The following NOS1AP variants were observed in gnomAD, a reference collection of about 807,000 sequenced individuals.
The protein encoded by NOS1AP is nitric oxide synthase 1 adaptor protein.
A neutral mutation model predicts 56.2 loss-of-function variants in NOS1AP; 21 were observed. That is an observed-to-expected ratio of 0.37 (90% CI 0.26 to 0.54). The LOEUF (loss-of-function observed/expected upper bound fraction) is 0.54, where lower values mean the gene tolerates loss of function less well. NOS1AP is among the 20% of genes least tolerant of loss of function. The pLI is 0.84. For missense variants in NOS1AP, 522 were observed against 657.8 expected, an observed-to-expected ratio of 0.79 and a Z score of 2.26; for synonymous variants, 270 against 274.6, an observed-to-expected ratio of 0.98 and a Z score of 0.17.
At chr1:162,083,771 A>G (rs1004539942) in intron 1 of NOS1AP, among the ~76,000 whole-genome samples, 2 of 152,334 alleles carry the variant, frequency 1.3e-5, no homozygotes, top group East Asian at 3.9e-4. Flanking sequence ...CTTTGGAGTA[A>G]TCAGAATCAC....
chr1:162,346,904 C>G (rs906868742), intron 6 of NOS1AP, among the ~76,000 whole-genome samples: 12 of 152,202 alleles, frequency 7.9e-5, no homozygotes, highest in South Asian at 2.1e-4. Context: ...GGTCATGTAC[C>G]CTTGGCCAGT....
At chr1:162,138,613 C>T (rs1009382149) in intron 1 of NOS1AP, among the ~76,000 whole-genome samples, 9 of 152,170 alleles carry the variant, frequency 5.9e-5, no homozygotes, top group African/African-American at 1.9e-4. Flanking sequence ...GGCCTGGGCT[C>T]CTGTCTGCCT....
intron 1 of NOS1AP, among the ~76,000 whole-genome samples, chr1:162,109,901 T>G (rs1647650378): frequency 6.6e-6 from 1 of 152,138 alleles, no homozygotes; most frequent in South Asian, 2.1e-4. Context: ...TAATCTAGAT[T>G]ATGATTCTCT....
At chr1:162,106,088 C>G (rs1647496827) in intron 1 of NOS1AP, among the ~76,000 whole-genome samples, 1 of 152,204 alleles carries the variant, frequency 6.6e-6, no homozygotes, top group Non-Finnish European at 1.5e-5. Flanking sequence ...ACACAGCTCT[C>G]TGTATTGGAC....
chr1:162,241,962 A>G (rs1653501326), intron 2 of NOS1AP, among the ~76,000 whole-genome samples: 1 of 152,218 alleles, frequency 6.6e-6, no homozygotes, highest in Non-Finnish European at 1.5e-5. Context: ...GTTGAATGTC[A>G]TATCTCCACT....
chr1:162,178,149 G>T (rs921916295), intron 2 of NOS1AP, among the ~76,000 whole-genome samples: 5 of 152,266 alleles, frequency 3.3e-5, no homozygotes, highest in South Asian at 2.1e-4. Context: ...ATGCATTTAA[G>T]ATTCCTCTAG....
chr1:162,198,110 T>G (rs756084140), intron 2 of NOS1AP, among the ~76,000 whole-genome samples: 1 of 152,096 alleles, frequency 6.6e-6, no homozygotes, highest in Non-Finnish European at 1.5e-5. Flanking sequence ...AGGAGCATGA[T>G]GAGGGAGGGA....
chr1:162,153,276 G>A (rs1649794128), intron 1 of NOS1AP, among the ~76,000 whole-genome samples: 2 of 152,112 alleles, frequency 1.3e-5, no homozygotes, highest in South Asian at 4.1e-4. Context: ...TTACAGGCAT[G>A]TGCCACCACA....
intron 2 of NOS1AP, among the ~76,000 whole-genome samples, chr1:162,175,624 G>A (rs1035385982): frequency 1.3e-5 from 2 of 152,176 alleles, no homozygotes; most frequent in Non-Finnish European, 2.9e-5. Flanking sequence ...GTGTGGGGGT[G>A]GGGGCGGTCG....
At chr1:162,146,597 C>A (rs927929216) in intron 1 of NOS1AP, among the ~76,000 whole-genome samples, 1 of 152,186 alleles carries the variant, frequency 6.6e-6, no homozygotes, top group African/African-American at 2.4e-5. Context: ...AGACGAGATG[C>A]CCCACACCCA....
At chr1:162,229,132 A>G (rs901683029) in intron 2 of NOS1AP, among the ~76,000 whole-genome samples, 2 of 152,226 alleles carry the variant, frequency 1.3e-5, no homozygotes, top group African/African-American at 4.8e-5. Context: ...TAACAGGTGA[A>G]ATAGAGCTGA....
intron 2 of NOS1AP, among the ~76,000 whole-genome samples, chr1:162,231,107 T>C (rs757085329): frequency 6.6e-5 from 10 of 152,234 alleles, no homozygotes; most frequent in Non-Finnish European, 1.5e-4. Context: ...CCACCAACAG[T>C]GTACATGGGT....
chr1:162,300,491 C>T lies in NOS1AP; in HGVS notation c.271-142C>T. 4.0e-6 allele frequency: 3 copies of T among 749,736 alleles called. No homozygotes were observed. The South Asian group carries it at 4.2e-5, about 11-fold the overall frequency. The allele number at this position is 749,736 out of a possible 1,614,324, so 46.4% of individuals were successfully genotyped here. On this transcript the variant is annotated intron_variant, in intron 3 of 9. Coordinates refer to ENST00000361897, the MANE Select transcript of NOS1AP (RefSeq NM_014697.3). Reference sequence around the variant, plus strand: ...TAGACACTTGATATTTTGCACTCGTCGTTTTGGAGCAATCAACTCCAGGCC... The same window carrying T: ...TAGACACTTGATATTTTGCACTCGTTGTTTTGGAGCAATCAACTCCAGGCC...
chr1:162,219,020 A>C (rs1018714986), intron 2 of NOS1AP, among the ~76,000 whole-genome samples: 1 of 152,022 alleles, frequency 6.6e-6, no homozygotes, highest in Admixed American at 6.6e-5. Flanking sequence ...GTGCAGCAGC[A>C]GCAGCAGCAG....
At chr1:162,260,207 G>A (rs528951287) in intron 2 of NOS1AP, among the ~76,000 whole-genome samples, 2 of 152,124 alleles carry the variant, frequency 1.3e-5, no homozygotes, top group Non-Finnish European at 2.9e-5. Context: ...GATTTATGTA[G>A]CAATTCTGGA....
intron 2 of NOS1AP, among the ~76,000 whole-genome samples, chr1:162,243,189 T>G (rs1427853110): frequency 1.3e-5 from 2 of 152,134 alleles, no homozygotes; most frequent in Admixed American, 1.3e-4. Context: ...GAAAGGTTAT[T>G]GTAGCCGAGA....
chr1:162,299,793 C>G (rs558835150), intron 3 of NOS1AP, among the ~76,000 whole-genome samples: 4 of 151,668 alleles, frequency 2.6e-5, no homozygotes, highest in Non-Finnish European at 4.4e-5. Flanking sequence ...CGCGCACATA[C>G]GTAGTATGGT....
intron 1 of NOS1AP, among the ~76,000 whole-genome samples, chr1:162,127,896 T>C (rs1228294106): frequency 6.6e-6 from 1 of 152,162 alleles, no homozygotes; most frequent in Non-Finnish European, 1.5e-5. Context: ...ACCATATCAC[T>C]AAGAATAAGA....
chr1:162,281,211 A>G (rs1375589673), intron 2 of NOS1AP, among the ~76,000 whole-genome samples: 2 of 152,216 alleles, frequency 1.3e-5, no homozygotes, highest in African/African-American at 4.8e-5. Flanking sequence ...TATAAGGAAG[A>G]TTAGTTCTTA....
Sources: gnomAD v4.1 joint callset for allele counts (sites outside exome capture counted in the v4.1 genomes callset) on GRCh38, gnomAD v4.1.1 for gene constraint, MANE v1.5 for transcripts, NCBI Gene and HGNC (gene_info 2026-07-23, HGNC 2026-07-21) for gene names.